UTRN: variants seen among roughly 807,000 people sequenced by gnomAD.
UTRN encodes the protein utrophin, also known as dystrophin-related protein 1.
UTRN carries 283 observed loss-of-function variants against 463.9 expected under a neutral mutation model. The ratio of observed to expected loss-of-function variants is 0.61; its 90% CI spans 0.55 to 0.67. The LOEUF is 0.67. Among genes scored for constraint, UTRN ranks in the 30% least tolerant of loss-of-function variants. UTRN has a pLI of 0.00. For synonymous variants in UTRN, 1,442 were observed against 1,431.5 expected (o/e 1.01, Z -0.17); for missense variants, 3,922 against 4,084.3 (o/e 0.96, Z 1.08).
intron 51 of UTRN, among the ~76,000 whole-genome samples, chr6:144,623,972 G>A (rs1038469417): frequency 6.6e-6 from 1 of 152,176 alleles, no homozygotes; most frequent in Non-Finnish European, 1.5e-5. Context: ...GAGGAACAAA[G>A]TCTTACAGTA....
chr6:144,776,312 C>A (rs1775315474), intron 60 of UTRN, among the ~76,000 whole-genome samples: 1 of 152,194 alleles, frequency 6.6e-6, no homozygotes, highest in Non-Finnish European at 1.5e-5. Context: ...ATAGCAGGTT[C>A]TCTCACCTTA....
Position 144,490,989 on chromosome 6 carries a change from C to T in UTRN, c.4324C>T (p.Gln1442Ter). ...TTTCCAGAAGCCAGCTAACTTCGAG[C>T]AGCGCATGCTGGACTGCAAGCGTGT... ...QLFQKPANFE[Q>*]RMLDCKRVLD... Residue 1442 changes from glutamine (Q) to a stop codon, truncating the protein, a stop_gained, in exon 32 of 75, where the codon CAG (glutamine) becomes TAG (stop). Coordinates refer to ENST00000367545, the MANE Select transcript of UTRN (RefSeq NM_007124.3). LOFTEE classifies it high-confidence loss of function. 2 of 1,612,196 alleles carry T rather than the reference C, an allele frequency of 1.2e-6. No individual in the cohort carries two copies. The highest frequency in any genetic ancestry group is 1.7e-6 in the Non-Finnish European group (2 of 1,179,102).
At chr6:144,377,465 A>ATTT (rs1780566390) in intron 2 of UTRN, among the ~76,000 whole-genome samples, 1 of 152,208 alleles carries the variant, frequency 6.6e-6, no homozygotes, top group South Asian at 2.1e-4. Context: ...CACTTATCAA[A>ATTT]GTTTGGAGTG....
Position 144,751,815 on chromosome 6 carries a change from G to GA in UTRN, c.8220dup (p.Glu2741ArgfsTer8). The GA allele has an allele frequency of 6.2e-7, 1 of 1,601,018 alleles. No individual in the cohort carries two copies. The highest frequency in any genetic ancestry group is 1.1e-5 in the South Asian group (1 of 88,376). On this transcript the variant is annotated frameshift_variant, in exon 56 of 75. Transcript: ENST00000367545. LOFTEE classifies it high-confidence loss of function. ...TGTTCTTTTCTTCTAGGCATTTAGA[G>GA]AAGAAATTGCACCAATCAACTTTAA...
At chr6:144,435,695 A>C (rs2114887091) in intron 9 of UTRN, among the ~76,000 whole-genome samples, 1 of 152,186 alleles carries the variant, frequency 6.6e-6, no homozygotes, top group African/African-American at 2.4e-5. Flanking sequence ...CCCTAACTAT[A>C]TTAGAATCTC....
At chr6:144,405,473 G>T (rs371680625) in intron 3 of UTRN, among the ~76,000 whole-genome samples, 2 of 151,956 alleles carry the variant, frequency 1.3e-5, no homozygotes, top group Admixed American at 1.3e-4. Flanking sequence ...TAGGTAATGC[G>T]AGGATAGAAC....
At chr6:144,718,045 T>C (rs1455633585) in intron 53 of UTRN, among the ~76,000 whole-genome samples, 2 of 152,180 alleles carry the variant, frequency 1.3e-5, no homozygotes, top group Non-Finnish European at 2.9e-5. Context: ...TGTTCTGGCA[T>C]TGGTCAACCA....
intron 48 of UTRN, among the ~76,000 whole-genome samples, chr6:144,553,852 C>T (rs1203075322): frequency 6.7e-6 from 1 of 148,596 alleles, no homozygotes; most frequent in Non-Finnish European, 1.5e-5. Flanking sequence ...GAGGTTGCAG[C>T]GAGCTGAAAG....
intron 2 of UTRN, among the ~76,000 whole-genome samples, chr6:144,311,290 C>T (rs928959963): frequency 6.6e-6 from 1 of 152,118 alleles, no homozygotes. Context: ...AGGAATGTGA[C>T]GATGCATTGC....
At chr6:144,616,958 C>G (rs1292495498) in intron 51 of UTRN, among the ~76,000 whole-genome samples, 1 of 152,098 alleles carries the variant, frequency 6.6e-6, no homozygotes, top group African/African-American at 2.4e-5. Flanking sequence ...TATCCTTTGC[C>G]TTTGAATCCG....
At chr6:144,397,837 C>G (rs1420155136) in intron 2 of UTRN, 2 of 152,552 alleles carry the variant, frequency 1.3e-5, no homozygotes. Flanking sequence ...ACCTGGTTCT[C>G]TCTGTGGCCC....
intron 51 of UTRN, among the ~76,000 whole-genome samples, chr6:144,609,743 A>C (rs1805271061): frequency 6.6e-6 from 1 of 152,234 alleles, no homozygotes; most frequent in Non-Finnish European, 1.5e-5. Flanking sequence ...TTCAGATCAC[A>C]GTGGGATAAA....
chr6:144,767,289 T>C (rs950879547), intron 58 of UTRN, among the ~76,000 whole-genome samples: 2 of 151,998 alleles, frequency 1.3e-5, no homozygotes, highest in East Asian at 3.9e-4. Context: ...AGGTCCAGAG[T>C]AGGCAAGTAA....
rs562761415 is a variant in UTRN, at chr6:144,323,770, C to A, written c.79+31863C>A. On this transcript the variant is annotated intron_variant, in intron 2 of 74. Transcript: ENST00000367545. Reference sequence around the variant, plus strand: ...CTTGACTGCCAGGGGATTAATCAAACTGGCTGTATGTGTCCTTTTAAACCA... The same window carrying A: ...CTTGACTGCCAGGGGATTAATCAAAATGGCTGTATGTGTCCTTTTAAACCA... Among the ~76,000 whole-genome samples the A allele has an allele frequency of 2.0e-5, 3 of 152,230 alleles. No homozygotes were observed. The East Asian group carries it at 5.8e-4, about 29-fold the overall frequency.
intron 50 of UTRN, among the ~76,000 whole-genome samples, chr6:144,573,582 A>G (rs7767389): frequency 0.54 from 81,265 of 151,692 alleles, 23,660 homozygotes; most frequent in East Asian, 0.85. Flanking sequence ...AATAATCCCA[A>G]CTACTTGGGA....
chr6:144,813,481 C>T (rs528472353), intron 65 of UTRN, among the ~76,000 whole-genome samples: 3 of 152,366 alleles, frequency 2.0e-5, no homozygotes, highest in African/African-American at 7.2e-5. Flanking sequence ...GGCCACCACA[C>T]CTGGCCCAGA....
At chr6:144,328,409 A>G (rs1322141231) in intron 2 of UTRN, among the ~76,000 whole-genome samples, 1 of 152,142 alleles carries the variant, frequency 6.6e-6, no homozygotes, top group Non-Finnish European at 1.5e-5. Flanking sequence ...CATCAAATCA[A>G]GAATATTCTT....
chr6:144,829,998 G>A (rs1780532080), intron 69 of UTRN, among the ~76,000 whole-genome samples: 1 of 152,118 alleles, frequency 6.6e-6, no homozygotes, highest in Non-Finnish European at 1.5e-5. Context: ...CTACTGGTGT[G>A]CATTTCATGT....
At chr6:144,559,587 G>A (rs1392794816) in intron 50 of UTRN, among the ~76,000 whole-genome samples, 1 of 152,030 alleles carries the variant, frequency 6.6e-6, no homozygotes, top group African/African-American at 2.4e-5. Flanking sequence ...TGGTAGTATT[G>A]TTGCAAAGAT....
Sources: gnomAD v4.1 joint callset for allele counts (sites outside exome capture counted in the v4.1 genomes callset) on GRCh38, gnomAD v4.1.1 for gene constraint, MANE v1.5 for transcripts, NCBI Gene and HGNC (gene_info 2026-07-23, HGNC 2026-07-21) for gene names.